Variants in ARHGAP26 observed in about 807,000 individuals in gnomAD.
ARHGAP26 encodes Rho GTPase activating protein 26.
In ARHGAP26, 38 loss-of-function variants were observed where a neutral mutation model predicts 104.8. The ratio of observed to expected loss-of-function variants is 0.36; its 90% CI spans 0.28 to 0.48. The LOEUF (loss-of-function observed/expected upper bound fraction) is 0.48. ARHGAP26 is among the 20% of genes least tolerant of loss of function. ARHGAP26 has a pLI of 0.99. For missense variants in ARHGAP26, 704 were observed against 947.9 expected (o/e 0.74, Z 3.38); for synonymous variants, 341 against 340.0 (o/e 1.00, Z -0.03).
intron 20 of ARHGAP26, among the ~76,000 whole-genome samples, chr5:143,178,598 G>A (rs1309516626): frequency 6.6e-6 from 1 of 152,174 alleles, no homozygotes; most frequent in African/African-American, 2.4e-5. Context: ...ACTATTCAGC[G>A]CTACTACAAT....
intron 11 of ARHGAP26, among the ~76,000 whole-genome samples, chr5:142,971,844 A>G (rs149634866): frequency 7.9e-4 from 121 of 152,318 alleles, no homozygotes; most frequent in Middle Eastern, 3.4e-3. Context: ...GCTGACATTA[A>G]GGATGAGGTT....
intron 17 of ARHGAP26, among the ~76,000 whole-genome samples, chr5:143,064,795 T>C (rs901417556): frequency 4.6e-5 from 7 of 152,200 alleles, no homozygotes; most frequent in African/African-American, 1.7e-4. Context: ...GAGAAAGATA[T>C]CAGTTCAGTT....
intron 1 of ARHGAP26, among the ~76,000 whole-genome samples, chr5:142,771,887 G>C (rs1017064129): frequency 6.6e-6 from 1 of 152,218 alleles, no homozygotes; most frequent in Non-Finnish European, 1.5e-5. Context: ...AGGGATGAGT[G>C]CTTTGGATTG....
intron 9 of ARHGAP26, among the ~76,000 whole-genome samples, chr5:142,911,863 T>G (rs1290630595): frequency 6.6e-6 from 1 of 152,228 alleles, no homozygotes; most frequent in African/African-American, 2.4e-5. Flanking sequence ...AAAGAGCAGT[T>G]CTGTCTGAGA....
At chr5:142,975,283 C>A (rs1367885846) in intron 11 of ARHGAP26, among the ~76,000 whole-genome samples, 1 of 151,978 alleles carries the variant, frequency 6.6e-6, no homozygotes, top group African/African-American at 2.4e-5. Flanking sequence ...TAGAGAACTG[C>A]GTCTACAGTA....
intron 11 of ARHGAP26, among the ~76,000 whole-genome samples, chr5:142,966,344 T>A (rs891611600): frequency 4.6e-5 from 7 of 152,352 alleles, no homozygotes; most frequent in African/African-American, 1.7e-4. Context: ...TTATTTTTTT[T>A]AATTTTCCAG....
At chr5:142,989,315 C>A (rs1775250629) in intron 11 of ARHGAP26, among the ~76,000 whole-genome samples, 1 of 152,142 alleles carries the variant, frequency 6.6e-6, no homozygotes, top group African/African-American at 2.4e-5. Context: ...GATTGCAACT[C>A]CTGCTTTTTT....
At chr5:143,091,266 G>T (rs1050615712) in intron 17 of ARHGAP26, among the ~76,000 whole-genome samples, 11 of 152,154 alleles carry the variant, frequency 7.2e-5, no homozygotes, top group Admixed American at 6.5e-5. Context: ...TCCCAGGCTG[G>T]CTTGAGTTTT....
chr5:142,931,072 G>A (rs779569023), intron 10 of ARHGAP26, among the ~76,000 whole-genome samples: 8 of 152,142 alleles, frequency 5.3e-5, no homozygotes, highest in Non-Finnish European at 8.8e-5. Flanking sequence ...TCCTTTTTAG[G>A]CTGTCTCAAA....
chr5:142,860,715 T>C (rs1032513281), intron 1 of ARHGAP26, among the ~76,000 whole-genome samples: 38 of 152,224 alleles, frequency 2.5e-4, no homozygotes, highest in African/African-American at 9.2e-4. Flanking sequence ...TGCTGTCACC[T>C]AGCTTTCTTC....
At chr5:142,998,050 CCTAA>C (rs760346011) in intron 11 of ARHGAP26, among the ~76,000 whole-genome samples, 36 of 152,240 alleles carry the variant, frequency 2.4e-4, no homozygotes, top group Non-Finnish European at 4.6e-4. Context: ...CTTGCAGGAA[CCTAA>C]CTGTGTTTCT....
Position 143,068,713 on chromosome 5 carries a change from T to C in ARHGAP26, c.1538+10966T>C, listed in dbSNP as rs1007978047. Among the ~76,000 whole-genome samples the C allele has an allele frequency of 2.6e-5, 4 of 152,242 alleles. No individual in the cohort carries two copies. In the East Asian group the frequency reaches 5.8e-4, roughly 22 times the overall value. ...TCTTTCTCAATCCCATATCCCCTTT[T>C]AGGTACTATCCCATTTTTCTGTGCT... On this transcript the variant is annotated intron_variant, in intron 17 of 22. Transcript: ENST00000645722.
chr5:143,145,164 C>T (rs1014192968), intron 19 of ARHGAP26, among the ~76,000 whole-genome samples: 63 of 152,216 alleles, frequency 4.1e-4, no homozygotes, highest in Middle Eastern at 3.4e-3. Flanking sequence ...TTTAGAAAGA[C>T]GAATATACTT....
At chr5:142,906,628 A>T (rs1266406198) in intron 8 of ARHGAP26, among the ~76,000 whole-genome samples, 1 of 152,066 alleles carries the variant, frequency 6.6e-6, no homozygotes, top group African/African-American at 2.4e-5. Context: ...ATTTATCTTG[A>T]TGCTCAAGTT....
intron 11 of ARHGAP26, among the ~76,000 whole-genome samples, chr5:142,960,075 C>T (rs1170580070): frequency 2.0e-5 from 3 of 152,260 alleles, no homozygotes; most frequent in East Asian, 1.9e-4. Context: ...GTCATGGCCT[C>T]ATGGCCATAG....
chr5:143,156,929 A>G (rs1420155372), intron 20 of ARHGAP26, among the ~76,000 whole-genome samples: 2 of 152,232 alleles, frequency 1.3e-5, no homozygotes, highest in African/African-American at 2.4e-5. Context: ...AAATCAAGAC[A>G]GGGTGGGTGC....
chr5:142,770,518 C>A lies in ARHGAP26; in HGVS notation c.-244C>A, dbSNP rs1210892515. 4 of 196,854 alleles carry A rather than the reference C, an allele frequency of 2.0e-5. No individual in the cohort carries two copies. The highest frequency in any genetic ancestry group is 4.1e-5 in the Non-Finnish European group (4 of 97,066). 12.2% of individuals were successfully genotyped at this position (196,854 alleles called of 1,614,324 possible). Reference sequence around the variant, plus strand: ...CCGGCGCCGCTGCGGGTCCGCGCTGCGTTTCCTGCTCGCGATCCGCTCCGT... The same window carrying A: ...CCGGCGCCGCTGCGGGTCCGCGCTGAGTTTCCTGCTCGCGATCCGCTCCGT... On this transcript the variant is annotated 5_prime_UTR_variant, in exon 1 of 23. Coordinates refer to ENST00000645722, the MANE Select transcript of ARHGAP26 (RefSeq NM_001135608.3).
At chr5:143,036,115 C>T (rs1445275404) in intron 12 of ARHGAP26, among the ~76,000 whole-genome samples, 1 of 152,112 alleles carries the variant, frequency 6.6e-6, no homozygotes, top group South Asian at 2.1e-4. Flanking sequence ...AGGTTCTGCT[C>T]ACTTCTCAAA....
chr5:142,771,019 G>C (rs910883968), intron 1 of ARHGAP26, 104 bp downstream of exon 1: 4 of 1,461,140 alleles, frequency 2.7e-6, no homozygotes, highest in Admixed American at 2.2e-5. Flanking sequence ...TCTGCTCCCG[G>C]TACACTGGGG....
Sources: allele counts gnomAD v4.1 joint callset (sites outside exome capture counted in the v4.1 genomes callset), GRCh38; gene constraint gnomAD v4.1.1; transcripts MANE v1.5; gene names NCBI Gene and HGNC (gene_info 2026-07-23, HGNC 2026-07-21).